TIMP2: variants seen among roughly 807,000 people sequenced by gnomAD.
The protein encoded by TIMP2 is TIMP metallopeptidase inhibitor 2, also known as metalloproteinase inhibitor 2.
Under a neutral mutation model 24.3 loss-of-function variants are expected in TIMP2, and 5 were observed. The ratio of observed to expected loss-of-function variants is 0.21; its 90% CI spans 0.11 to 0.43. TIMP2 has a LOEUF of 0.43. Among genes scored for constraint, TIMP2 ranks in the 20% least tolerant of loss-of-function variants. The pLI is 1.00. For synonymous variants in TIMP2, 130 were observed against 123.2 expected (o/e 1.06, Z -0.37); for missense variants, 221 against 297.5 (o/e 0.74, Z 1.89).
chr17:78,890,970 T>C, intron 1 of TIMP2: 2 of 1,551,212 alleles, frequency 1.3e-6, no homozygotes, highest in African/African-American at 1.4e-5. Context: ...TTTTGTCTTC[T>C]CTGCTCCATC....
chr17:78,857,658 C>T lies in TIMP2; in HGVS notation c.341-12G>A, dbSNP rs192465877. On this transcript the variant is annotated splice_polypyrimidine_tract_variant and intron_variant, in intron 3 of 4. Transcript: ENST00000262768. Reference sequence around the variant, plus strand: ...CCCCTCGGCCTTTCCTGCGGAGAGACGGGGATCACCGAGCTCAGGGAGAGG... The same window carrying T: ...CCCCTCGGCCTTTCCTGCGGAGAGATGGGGATCACCGAGCTCAGGGAGAGG... 46 of 1,613,924 alleles carry T rather than the reference C, an allele frequency of 2.9e-5. No individual in the cohort carries two copies. Among genetic ancestry groups the T allele is most frequent in the African/African-American group, 1.3e-4 (10 of 75,030 alleles).
At chr17:78,883,956 T>G (rs1421239631) in intron 1 of TIMP2, among the ~76,000 whole-genome samples, 1 of 152,208 alleles carries the variant, frequency 6.6e-6, no homozygotes, top group African/African-American at 2.4e-5. Flanking sequence ...ATTCACGTGC[T>G]GCTGAATCAC....
At chr17:78,902,463 G>A (rs112921773) in intron 1 of TIMP2, among the ~76,000 whole-genome samples, 12,491 of 152,244 alleles carry the variant, frequency 0.082, 527 homozygotes, top group Middle Eastern at 0.13. Context: ...GGTGGGTCAC[G>A]TTAGAATGAG....
In TIMP2 at chr17:78,891,693, T is replaced by A; in HGVS notation, c.131-17774A>T. ...CTCCTCCCCGCCCGAGCTGTTCCTT[T>A]CTCTTTTTCCTCCACAAGCCCGATT... On this transcript the variant is annotated intron_variant, in intron 1 of 4. Coordinates refer to ENST00000262768, the MANE Select transcript of TIMP2 (RefSeq NM_003255.5). The surrounding 1 kb of genome is among the most constrained non-coding windows in gnomAD (Gnocchi z 4.5). 4 of 1,551,086 alleles carry A rather than the reference T, an allele frequency of 2.6e-6. No individual in the cohort carries two copies. The highest frequency in any genetic ancestry group is 3.5e-6 in the Non-Finnish European group (4 of 1,147,120).
At chr17:78,921,704 T>C (rs1317733330) in intron 1 of TIMP2, among the ~76,000 whole-genome samples, 1 of 152,234 alleles carries the variant, frequency 6.6e-6, no homozygotes, top group Non-Finnish European at 1.5e-5. Context: ...CCGTTTGTGC[T>C]GGCCTTGCTG....
rs989456571 is a variant in TIMP2 at position 78,920,470 on chromosome 17, C to T, written c.130+4489G>A. On this transcript the variant is annotated intron_variant, in intron 1 of 4. Transcript: ENST00000262768. This position sits in a 1 kb window ranked among gnomAD's most constrained non-coding sequence, Gnocchi z 4.5. ...AGAGCTCCTTCCAGCACCTGCCATA[C>T]CTCCAGGCTGTGCACAGCTCTCCCT... Among the ~76,000 whole-genome samples the T allele has an allele frequency of 2.0e-5, 3 of 152,084 alleles. No individual in the cohort carries two copies. Among genetic ancestry groups the T allele is most frequent in the Admixed American group, 6.6e-5 (1 of 15,266 alleles).
Position 78,855,704 on chromosome 17 carries a change from G to T in TIMP2, c.626C>A (p.Pro209His). The change falls in exon 5 of 5, where the codon CCC becomes CAC. Residue 209 changes from proline (P) to histidine (H), a missense_variant. Coordinates refer to ENST00000262768, the MANE Select transcript of TIMP2 (RefSeq NM_003255.5). The surrounding 1 kb of genome is among the most constrained non-coding windows in gnomAD (Gnocchi z 6.0). ...GSCAWYRGAA[P>H]PKQEFLDIED... ...GATGTCGAGAAACTCCTGCTTGGGGGGCGCCGCGCCGCGGTACCACGCACA... is the reference window on the plus strand; with the variant it reads ...GATGTCGAGAAACTCCTGCTTGGGGTGCGCCGCGCCGCGGTACCACGCACA... 6.2e-7 allele frequency: 1 copy of T among 1,614,026 alleles called. No individual in the cohort carries two copies. Among genetic ancestry groups the T allele is most frequent in the African/African-American group, 1.3e-5 (1 of 75,040 alleles).
intron 1 of TIMP2, among the ~76,000 whole-genome samples, chr17:78,884,050 C>T (rs941858543): frequency 3.3e-5 from 5 of 152,214 alleles, no homozygotes; most frequent in Non-Finnish European, 5.9e-5. Flanking sequence ...GCATTTTCTC[C>T]GTCAAGACCC....
intron 1 of TIMP2, among the ~76,000 whole-genome samples, chr17:78,881,050 G>A (rs919386060): frequency 6.6e-6 from 1 of 152,258 alleles, no homozygotes. Context: ...CTGCCCAGAC[G>A]AGGTGCAGGG....
chr17:78,871,951 CT>C (rs1344015214), intron 2 of TIMP2, among the ~76,000 whole-genome samples: 3 of 151,982 alleles, frequency 2.0e-5, no homozygotes, highest in Admixed American at 2.0e-4. Flanking sequence ...TGGGGAGGGG[CT>C]TTTGTACCTC....
At chr17:78,908,978 C>A (rs1206218881) in intron 1 of TIMP2, among the ~76,000 whole-genome samples, 1 of 152,090 alleles carries the variant, frequency 6.6e-6, no homozygotes, top group Non-Finnish European at 1.5e-5. Context: ...GAGAGGAGCA[C>A]CCCCAGAAGA....
chr17:78,912,355 GC>G (rs1406319748), intron 1 of TIMP2, among the ~76,000 whole-genome samples: 1 of 152,114 alleles, frequency 6.6e-6, no homozygotes, highest in Non-Finnish European at 1.5e-5. Flanking sequence ...AGTTTGCTTT[GC>G]CACGTCTGTG....
rs1210021025 is a variant in TIMP2, at chr17:78,891,726, C to A, written c.131-17807G>T. On this transcript the variant is annotated intron_variant, in intron 1 of 4. Transcript: ENST00000262768. The surrounding 1 kb of genome is among the most constrained non-coding windows in gnomAD (Gnocchi z 4.5). ...TCCTCCACAAGCCCGATTTCTCCCA[C>A]AGCAGCCACGAGTGGGTTTGACCTT... 1 of 1,551,114 alleles carries A rather than the reference C, an allele frequency of 6.4e-7. No homozygotes were observed. The highest frequency in any genetic ancestry group is 2.4e-5 in the East Asian group (1 of 40,932).
At chr17:78,862,996 A>C (rs1049110167) in intron 3 of TIMP2, among the ~76,000 whole-genome samples, 3 of 152,208 alleles carry the variant, frequency 2.0e-5, no homozygotes, top group African/African-American at 7.2e-5. Flanking sequence ...TGTCTTTGCT[A>C]TTGCAGATAG....
At chr17:78,908,208 C>T (rs1312506026) in intron 1 of TIMP2, among the ~76,000 whole-genome samples, 1 of 152,108 alleles carries the variant, frequency 6.6e-6, no homozygotes, top group African/African-American at 2.4e-5. Flanking sequence ...TTTATTTAAC[C>T]ACGCCCCTGC....
At position 78,901,524 on chromosome 17, in the gene TIMP2, C is replaced by T. The variant is rs146659202; in HGVS notation, c.130+23435G>A. On this transcript the variant is annotated intron_variant, in intron 1 of 4. Transcript: ENST00000262768. ...TGAACTCCTTTGGTCAGGAGGGGCC[C>T]ACTGACCAAAGGTCCTAGGAAGAAA... Among the ~76,000 whole-genome samples, 1,363 of 152,058 alleles carry T rather than the reference C, an allele frequency of 9.0e-3. 25 individuals carry two copies. The highest frequency in any genetic ancestry group is 0.031 in the African/African-American group (1,293 of 41,478).
At chr17:78,892,978 G>A (rs1483354867) in intron 1 of TIMP2, among the ~76,000 whole-genome samples, 1 of 152,160 alleles carries the variant, frequency 6.6e-6, no homozygotes, top group Non-Finnish European at 1.5e-5. Context: ...AGTAAAAGAG[G>A]AAGTCTGGGC....
At chr17:78,881,312 C>T (rs973423519) in intron 1 of TIMP2, among the ~76,000 whole-genome samples, 6 of 152,220 alleles carry the variant, frequency 3.9e-5, no homozygotes, top group South Asian at 2.1e-4. Context: ...TATGGCCCAG[C>T]GGAGAACGCC....
intron 1 of TIMP2, among the ~76,000 whole-genome samples, chr17:78,918,302 G>A (rs1253432495): frequency 1.3e-5 from 2 of 152,192 alleles, no homozygotes; most frequent in African/African-American, 2.4e-5. Flanking sequence ...CTGGCTGACT[G>A]GGGAGTAGCT....
Sources: gnomAD v4.1 joint callset for allele counts (sites outside exome capture counted in the v4.1 genomes callset) on GRCh38, gnomAD v4.1.1 for gene constraint, Gnocchi (gnomAD v3.1) non-coding constraint, MANE v1.5 for transcripts, NCBI Gene and HGNC (gene_info 2026-07-23, HGNC 2026-07-21) for gene names.